SORCS1: variants seen among roughly 807,000 people sequenced by gnomAD.
SORCS1 encodes the protein sortilin related VPS10 domain containing receptor 1, also known as VPS10 domain-containing receptor SorCS1.
In SORCS1, 60 loss-of-function variants were observed where a neutral mutation model predicts 146.1. The ratio of observed to expected loss-of-function variants is 0.41; its 90% confidence interval spans 0.33 to 0.51. The LOEUF is 0.51. Among genes scored for constraint, SORCS1 ranks in the 20% least tolerant of loss-of-function variants. The probability of loss-of-function intolerance (pLI) is 0.21; values close to 1 mark genes in which losing one functional copy is unlikely to be tolerated. For synonymous variants in SORCS1, 637 were observed against 584.0 expected (o/e 1.09, Z -1.31); for missense variants, 1,352 against 1,487.6 (o/e 0.91, Z 1.50).
chr10:106,944,337 A>T (rs1358121148), intron 2 of SORCS1, among the ~76,000 whole-genome samples: 1 of 152,222 alleles, frequency 6.6e-6, no homozygotes, highest in Admixed American at 6.5e-5. Context: ...AATTTCCTCA[A>T]TAAGCCATGC....
intron 3 of SORCS1, among the ~76,000 whole-genome samples, chr10:106,800,138 G>A (rs761231322): frequency 6.6e-6 from 1 of 152,180 alleles, no homozygotes; most frequent in African/African-American, 2.4e-5. Context: ...AGCTGGATAT[G>A]TTGTCTCATT....
At chr10:106,817,656 C>A (rs1310754489) in intron 3 of SORCS1, among the ~76,000 whole-genome samples, 2 of 152,100 alleles carry the variant, frequency 1.3e-5, no homozygotes, top group East Asian at 3.9e-4. Context: ...AACATAATAA[C>A]ACATTATTAA....
intron 1 of SORCS1, among the ~76,000 whole-genome samples, chr10:106,973,205 C>A (rs928517047): frequency 6.6e-6 from 1 of 152,192 alleles, no homozygotes; most frequent in Non-Finnish European, 1.5e-5. Flanking sequence ...CTGAAAATCA[C>A]TCCAATGTCC....
At chr10:106,754,307 T>C (rs903563461) in intron 5 of SORCS1, among the ~76,000 whole-genome samples, 3 of 152,118 alleles carry the variant, frequency 2.0e-5, no homozygotes, top group Admixed American at 6.5e-5. Context: ...TTTGCCCAAG[T>C]GAAGCTAAAA....
chr10:107,172,091 G>A, the SORCS1 span, among the ~76,000 whole-genome samples: 5 of 152,212 alleles, frequency 3.3e-5, no homozygotes, highest in Admixed American at 2.0e-4. Context: ...TGTTAAACTG[G>A]TATTTTATGC....
intron 1 of SORCS1, among the ~76,000 whole-genome samples, chr10:107,154,821 G>A (rs759498252): frequency 3.9e-5 from 6 of 152,124 alleles, no homozygotes; most frequent in East Asian, 3.8e-4. Flanking sequence ...CAGATGTTCC[G>A]TTAAGAAGTT....
At chr10:107,138,545 C>T (rs1251753) in intron 1 of SORCS1, among the ~76,000 whole-genome samples, 113,270 of 152,104 alleles carry the variant, frequency 0.74, 42,633 homozygotes, top group African/African-American at 0.79. Flanking sequence ...CATTCTTCGT[C>T]TAAGATAGGC....
chr10:107,105,764 A>T (rs1590149992), intron 1 of SORCS1, among the ~76,000 whole-genome samples: 1 of 152,256 alleles, frequency 6.6e-6, no homozygotes, highest in Non-Finnish European at 1.5e-5. Context: ...ACACTGACTC[A>T]AATGTTAATC....
chr10:107,050,621 T>C (rs762810525), intron 1 of SORCS1, among the ~76,000 whole-genome samples: 4 of 152,174 alleles, frequency 2.6e-5, no homozygotes, highest in Non-Finnish European at 5.9e-5. Flanking sequence ...GAATTTAATA[T>C]GCCACAAGTT....
chr10:106,910,072 A>G (rs1222425653), intron 2 of SORCS1, among the ~76,000 whole-genome samples: 1 of 152,226 alleles, frequency 6.6e-6, no homozygotes, highest in Non-Finnish European at 1.5e-5. Context: ...TTATCTAAAT[A>G]TATAATGCAA....
chr10:106,634,145 A>G (rs1848593680), intron 18 of SORCS1, among the ~76,000 whole-genome samples: 1 of 152,228 alleles, frequency 6.6e-6, no homozygotes, highest in Non-Finnish European at 1.5e-5. Flanking sequence ...AATCACAAAC[A>G]AAAGTGTCAT....
At chr10:106,936,096 T>C (rs557838723) in intron 2 of SORCS1, among the ~76,000 whole-genome samples, 1 of 152,292 alleles carries the variant, frequency 6.6e-6, no homozygotes, top group Non-Finnish European at 1.5e-5. Context: ...CAGGAAGCTA[T>C]CTATTCTTAA....
intron 18 of SORCS1, among the ~76,000 whole-genome samples, chr10:106,634,686 G>A (rs10491051): frequency 0.23 from 34,498 of 151,982 alleles, 4,829 homozygotes; most frequent in East Asian, 0.52. Flanking sequence ...CCTCTCTAAC[G>A]ATGATAGGTT....
At chr10:107,157,416 T>C (rs187680127) in intron 1 of SORCS1, among the ~76,000 whole-genome samples, 43 of 152,348 alleles carry the variant, frequency 2.8e-4, no homozygotes, top group South Asian at 1.7e-3. Context: ...TTGTTTTTTT[T>C]ATCTGAGAGT....
chr10:106,833,035 G>A (rs796080621), intron 2 of SORCS1, among the ~76,000 whole-genome samples: 10 of 152,176 alleles, frequency 6.6e-5, no homozygotes, highest in African/African-American at 2.2e-4. Flanking sequence ...GAGTGGGTGA[G>A]TATTAAACTC....
At chr10:106,688,022 T>C (rs1221396046) in intron 10 of SORCS1, among the ~76,000 whole-genome samples, 170 bp downstream of exon 10, 1 of 152,204 alleles carries the variant, frequency 6.6e-6, no homozygotes, top group African/African-American at 2.4e-5. Context: ...CTTTGGCACA[T>C]CACACTAGGC....
intron 1 of SORCS1, among the ~76,000 whole-genome samples, chr10:107,027,945 C>T (rs1170657080): frequency 6.6e-6 from 1 of 152,124 alleles, no homozygotes; most frequent in Non-Finnish European, 1.5e-5. Context: ...GTGTCTGGCA[C>T]AAGAGAAGTC....
intron 5 of SORCS1, among the ~76,000 whole-genome samples, chr10:106,738,954 CTGAGA>C (rs1392933792): frequency 6.6e-6 from 1 of 152,206 alleles, no homozygotes; most frequent in Admixed American, 6.5e-5. Flanking sequence ...TCCCAAAGTT[CTGAGA>C]TGACAGGCGT....
intron 1 of SORCS1, among the ~76,000 whole-genome samples, chr10:107,025,591 A>G (rs571885536): frequency 6.6e-6 from 1 of 152,254 alleles, no homozygotes; most frequent in African/African-American, 2.4e-5. Flanking sequence ...ACAAGCCCCA[A>G]AACAAAATAA....
Sources: allele counts gnomAD v4.1 joint callset (sites outside exome capture counted in the v4.1 genomes callset), GRCh38; gene constraint gnomAD v4.1.1; transcripts MANE v1.5; gene names NCBI Gene and HGNC (gene_info 2026-07-23, HGNC 2026-07-21).